The following ZNF124 variants were observed in gnomAD, a reference collection of about 807,000 sequenced individuals.
ZNF124 encodes zinc finger protein HZF-16.
In ZNF124, 25 loss-of-function variants were observed where a neutral mutation model predicts 26.6. The observed-to-expected ratio is 0.94, with a 90% CI of 0.68 to 1.31. The LOEUF (loss-of-function observed/expected upper bound fraction) is 1.31, where lower values mean the gene tolerates loss of function less well. ZNF124 is among the 40% of genes most tolerant of loss of function. The probability of loss-of-function intolerance (pLI) is 0.00; values close to 1 mark genes in which losing one functional copy is unlikely to be tolerated. For synonymous variants in ZNF124, 129 were observed against 133.3 expected (o/e 0.97, Z 0.22); for missense variants, 444 against 422.2 (o/e 1.05, Z -0.45).
chr1:247,134,114 C>G (rs1037132011), intron 3 of ZNF124, among the ~76,000 whole-genome samples: 4 of 151,934 alleles, frequency 2.6e-5, no homozygotes, highest in African/African-American at 9.7e-5. Flanking sequence ...GCACTAAATA[C>G]GGAAAGAAAA....
intron 3 of ZNF124, among the ~76,000 whole-genome samples, chr1:247,135,843 G>A (rs1366151100): frequency 1.3e-5 from 2 of 152,196 alleles, no homozygotes; most frequent in Non-Finnish European, 2.9e-5. Context: ...GATCAAGTTA[G>A]CTTCATTACT....
intron 3 of ZNF124, among the ~76,000 whole-genome samples, chr1:247,125,430 C>CTTTTTTTTTTTTTTGTTTT (rs1672188562): frequency 2.3e-5 from 1 of 43,306 alleles, no homozygotes; most frequent in Non-Finnish European, 4.3e-5. Flanking sequence ...CTGTTTTTGT[C>CTTTTTTTTTTTTTTGTTTT]TTTTTTTTTT....
At chr1:247,130,469 T>C (rs1388644042) in intron 3 of ZNF124, among the ~76,000 whole-genome samples, 1 of 152,206 alleles carries the variant, frequency 6.6e-6, no homozygotes, top group Non-Finnish European at 1.5e-5. Flanking sequence ...AGTTCCACCT[T>C]TGTGCCGAGC....
intron 1 of ZNF124, among the ~76,000 whole-genome samples, chr1:247,161,049 A>G (rs894645693): frequency 1.3e-4 from 20 of 152,370 alleles, no homozygotes; most frequent in Non-Finnish European, 2.8e-4. Context: ...AATTTCATAG[A>G]TGCCTGAAAC....
At chr1:247,127,799 G>A (rs1199570190) in intron 3 of ZNF124, among the ~76,000 whole-genome samples, 1 of 149,812 alleles carries the variant, frequency 6.7e-6, no homozygotes, top group African/African-American at 2.4e-5. Context: ...GCTCACTTGG[G>A]GAGCTCGGTT....
At chr1:247,163,316 G>A (rs201034634) in intron 1 of ZNF124, among the ~76,000 whole-genome samples, 2 of 139,078 alleles carry the variant, frequency 1.4e-5, no homozygotes, top group East Asian at 3.9e-4. Context: ...AAATTGAAGA[G>A]AGAGAGAAAA....
At chr1:247,164,590 A>G (rs1288545233) in intron 1 of ZNF124, among the ~76,000 whole-genome samples, 3 of 131,330 alleles carry the variant, frequency 2.3e-5, no homozygotes, top group Admixed American at 7.6e-5. Flanking sequence ...TGCTGCTGGG[A>G]AAAAAAAAAC....
At chr1:247,131,890 T>C (rs1402991273) in intron 3 of ZNF124, among the ~76,000 whole-genome samples, 1 of 152,070 alleles carries the variant, frequency 6.6e-6, no homozygotes. Context: ...TGAGTGGGTT[T>C]CCCCCCAGTG....
chr1:247,156,855 T>C lies in ZNF124; in HGVS notation c.767A>G (p.His256Arg). ...LSSLQGHIKA[H>R]AGEEPYPCKQ... ...ACATGGATAGGGTTCTTCACCAGCA[T>C]GAGCCTTTATATGTCCTTGCAAGGA... The change falls in exon 4 of 4, where the codon CAT becomes CGT. Residue 256 changes from histidine to arginine, a missense_variant. Coordinates refer to ENST00000543802, the MANE Select transcript of ZNF124 (RefSeq NM_001297568.2). 1.2e-6 allele frequency: 2 copies of C among 1,614,226 alleles called. No individual in the cohort carries two copies. The highest frequency in any genetic ancestry group is 1.1e-5 in the South Asian group (1 of 91,088).
At chr1:247,139,256 C>T (rs527975391) in intron 3 of ZNF124, among the ~76,000 whole-genome samples, 1 of 152,346 alleles carries the variant, frequency 6.6e-6, no homozygotes, top group East Asian at 1.9e-4. Flanking sequence ...TCACGGTTCA[C>T]ACCACTATGT....
At chr1:247,163,111 A>G (rs775511690) in intron 1 of ZNF124, among the ~76,000 whole-genome samples, 2 of 152,212 alleles carry the variant, frequency 1.3e-5, no homozygotes, top group African/African-American at 4.8e-5. Flanking sequence ...GAAACTAATA[A>G]GAACAAACAT....
intron 1 of ZNF124, among the ~76,000 whole-genome samples, chr1:247,162,460 A>G (rs911301128): frequency 6.6e-6 from 1 of 152,242 alleles, no homozygotes; most frequent in Non-Finnish European, 1.5e-5. Flanking sequence ...TCTAGGAGCA[A>G]TAGGCCATAC....
At position 247,155,600 on chromosome 1, in the gene ZNF124, G is replaced by A. The variant is rs938524282; in HGVS notation, c.*966C>T. 6.6e-6 allele frequency among the ~76,000 whole-genome samples: 1 copy of A among 152,030 alleles called. No individual in the cohort carries two copies. The highest frequency in any genetic ancestry group is 1.5e-5 in the Non-Finnish European group (1 of 67,988). ...GCCTCAGCTGGGCGTGGTGGCTCACGCCTGTAATCCCAGCACTTTGGGAGG... is the reference window on the plus strand; with the variant it reads ...GCCTCAGCTGGGCGTGGTGGCTCACACCTGTAATCCCAGCACTTTGGGAGG... On this transcript the variant is annotated 3_prime_UTR_variant, in exon 4 of 4. Transcript: ENST00000543802.
In ZNF124 at chr1:247,127,612, T is replaced by A. The variant is rs997771603; in HGVS notation, c.219-3741A>T. Reference sequence around the variant, plus strand: ...ACCCTTGACCTGACCGGTTGTGTTATCTATAGATTCCAGACATTGTATGGA... The same window carrying A: ...ACCCTTGACCTGACCGGTTGTGTTAACTATAGATTCCAGACATTGTATGGA... On this transcript the variant is annotated intron_variant, in intron 3 of 3. Coordinates refer to the ZNF124 transcript ENST00000472531. Among the ~76,000 whole-genome samples the A allele has an allele frequency of 4.0e-4, 58 of 146,186 alleles. 1 individual carries two copies. Among genetic ancestry groups the A allele is most frequent in the African/African-American group, 1.3e-3 (53 of 39,984 alleles).
chr1:247,127,829 G>A (rs1186719634), intron 3 of ZNF124, among the ~76,000 whole-genome samples: 1 of 149,518 alleles, frequency 6.7e-6, no homozygotes, highest in Non-Finnish European at 1.5e-5. Context: ...CGTGAGTCTT[G>A]CCAAAGCTTC....
At position 247,168,047 on chromosome 1, in the gene ZNF124, T is replaced by C. The variant is rs544808028; in HGVS notation, c.30+3801A>G. Among the ~76,000 whole-genome samples the C allele has an allele frequency of 2.0e-5, 3 of 152,170 alleles. No individual in the cohort carries two copies. Among genetic ancestry groups the C allele is most frequent in the South Asian group, 2.1e-4 (1 of 4,816 alleles). On this transcript the variant is annotated intron_variant, in intron 1 of 3. Transcript: ENST00000543802. This position sits in a 1 kb window ranked among gnomAD's most constrained non-coding sequence, Gnocchi z 4.0. ...GCCATAATCATAAAATAAAAAACAA[T>C]AGATGCTGGGATGCTGGTGTGGATG...
Position 247,157,093 on chromosome 1 carries a change from G to A in ZNF124, c.529C>T (p.Arg177Cys), listed in dbSNP as rs375447431. The A allele has an allele frequency of 1.7e-5, 27 of 1,614,142 alleles. No individual in the cohort carries two copies. Among genetic ancestry groups the A allele is most frequent in the African/African-American group, 1.5e-4 (11 of 75,024 alleles). Reference sequence around the variant, plus strand: ...TTCCCACATTGCTTACATTCATAGCGTTTTTCTCCAGTGTGAATCCTTTTA... The same window carrying A: ...TTCCCACATTGCTTACATTCATAGCATTTTTCTCCAGTGTGAATCCTTTTA... ...RHKRIHTGEKRYECKQCGKAF... is the reference protein window; with the variant it reads ...RHKRIHTGEKCYECKQCGKAF... The change falls in exon 4 of 4, where the codon CGC (arginine) becomes TGC (cysteine). Residue 177 changes from arginine to cysteine, a missense_variant. By Grantham distance (180) the Arg-to-Cys change is radical. Transcript: ENST00000543802.
intron 3 of ZNF124, chr1:247,138,681 A>T: frequency 2.5e-6 from 1 of 398,616 alleles, no homozygotes; most frequent in Non-Finnish European, 4.4e-6. Flanking sequence ...AAGAGTGCAG[A>T]GAAAGAAAGG....
chr1:247,144,798 CAG>C (rs1457770315), intron 3 of ZNF124, among the ~76,000 whole-genome samples: 1 of 146,712 alleles, frequency 6.8e-6, no homozygotes, highest in Non-Finnish European at 1.5e-5. Context: ...TTTTTTGAGA[CAG>C]AGTCTCGCTC....
Sources: gnomAD v4.1 joint callset for allele counts (sites outside exome capture counted in the v4.1 genomes callset) on GRCh38, gnomAD v4.1.1 for gene constraint, Gnocchi (gnomAD v3.1) non-coding constraint, MANE v1.5 for transcripts, NCBI Gene and HGNC (gene_info 2026-07-23, HGNC 2026-07-21) for gene names.